ZAN: variants seen among roughly 807,000 people sequenced by gnomAD.
ZAN encodes zonadhesin (gene/pseudogene).
Under a neutral mutation model 286.2 loss-of-function variants are expected in ZAN, and 260 were observed. The observed-to-expected ratio is 0.91, with a 90% CI of 0.82 to 1.01. The LOEUF (loss-of-function observed/expected upper bound fraction) is 1.01. Ranked by LOEUF, ZAN falls within the 50% of genes least tolerant of loss-of-function variation. ZAN has a pLI of 0.00. For synonymous variants in ZAN, 1,368 were observed against 1,417.5 expected, an observed-to-expected ratio of 0.97 and a Z score of 0.79; for missense variants, 3,410 against 3,639.2, an observed-to-expected ratio of 0.94 and a Z score of 1.62.
intron 19 of ZAN, among the ~76,000 whole-genome samples, chr7:100,761,201 C>T (rs776526820): frequency 6.6e-6 from 1 of 152,118 alleles, no homozygotes; most frequent in Admixed American, 6.6e-5. Flanking sequence ...GAAAGAAAGA[C>T]TTTATAAAAA....
At chr7:100,753,852 AAAAG>A (rs1223847171) in intron 14 of ZAN, among the ~76,000 whole-genome samples, 1 of 151,464 alleles carries the variant, frequency 6.6e-6, no homozygotes, top group African/African-American at 2.4e-5. Context: ...AAAAAAAAAA[AAAAG>A]CAAAAGCAAT....
chr7:100,758,684 G>T (rs753120500), intron 17 of ZAN, 34 bp downstream of exon 17: 2 of 1,546,784 alleles, frequency 1.3e-6, no homozygotes, highest in African/African-American at 1.4e-5. Context: ...GGCCTGGGGG[G>T]AGGGTCTGTG....
intron 7 of ZAN, among the ~76,000 whole-genome samples, chr7:100,743,617 C>T (rs1678067520): frequency 6.6e-6 from 1 of 152,024 alleles, no homozygotes; most frequent in Non-Finnish European, 1.5e-5. Flanking sequence ...TAGCTCATGC[C>T]TGTAATCCCA....
In ZAN at chr7:100,738,707, C is replaced by T. The variant is rs1807481011; in HGVS notation, c.766+94C>T. On this transcript the variant is annotated intron_variant, in intron 7 of 47. Transcript: ENST00000613979. ...GACGGTCTGTCATGAACACCTACAG[C>T]TTCAAGCCTCTTACCAGCTCAAGTT... 3.2e-6 allele frequency: 4 copies of T among 1,264,156 alleles called. 1 individual carries two copies. In the Admixed American group the frequency reaches 9.7e-5, roughly 31 times the overall value. 78.3% of individuals were successfully genotyped at this position (1,264,156 alleles called of 1,614,324 possible).
Position 100,762,195 on chromosome 7 carries a change from C to A in ZAN, c.3843-20C>A, listed in dbSNP as rs1227570372. The A allele has an allele frequency of 6.2e-7, 1 of 1,611,948 alleles. No individual in the cohort carries two copies. The highest frequency in any genetic ancestry group is 8.5e-7 in the Non-Finnish European group (1 of 1,178,712). On this transcript the variant is annotated intron_variant, in intron 19 of 47. Coordinates refer to ENST00000613979, the MANE Select transcript of ZAN (RefSeq NM_003386.3). Reference sequence around the variant, plus strand: ...GGCTGCTTCTCTCCATTAACGCCAGCTCCTCTCCTGTTCCCCTAGCACATA... The same window carrying A: ...GGCTGCTTCTCTCCATTAACGCCAGATCCTCTCCTGTTCCCCTAGCACATA...
rs367562768 is a variant in ZAN, at chr7:100,758,535, C to G, written c.3456C>G (p.Gly1152=). The G allele has an allele frequency of 1.9e-6, 3 of 1,558,426 alleles. No individual in the cohort carries two copies. The African/African-American group carries it at 4.1e-5, about 21-fold the overall frequency. Residue 1152 remains glycine, a synonymous_variant, in exon 17 of 48, where the codon GGC becomes GGG. Transcript: ENST00000613979. ...NGQYGCHPYA[G]TATCLVYGDP... is the part of the protein sequence containing the mutation. ...TGTTCTCCTTCCCCCTCCCAGCAGGCACTGCCACCTGCTTGGTCTACGGAG... is the reference window on the plus strand; with the variant it reads ...TGTTCTCCTTCCCCCTCCCAGCAGGGACTGCCACCTGCTTGGTCTACGGAG...
chr7:100,773,684 A>G lies in ZAN; in HGVS notation c.5635-37A>G, dbSNP rs149965043. ...GGCGTTGGCCCATCTCCCAATTCCA[A>G]CTTTCTGTTGGCTCAGCTGATCCCT... On this transcript the variant is annotated intron_variant, in intron 30 of 47. Transcript: ENST00000613979. 80 of 1,593,596 alleles carry G rather than the reference A, an allele frequency of 5.0e-5. No homozygotes were observed. In the African/African-American group the frequency reaches 9.7e-4, roughly 19 times the overall value.
intron 7 of ZAN, among the ~76,000 whole-genome samples, chr7:100,743,877 A>T (rs956430995): frequency 4.6e-5 from 7 of 151,284 alleles, no homozygotes; most frequent in African/African-American, 9.8e-5. Flanking sequence ...ATTGTGTCTC[A>T]AAATAAATAA....
rs1324921999 is a variant in ZAN, at chr7:100,772,030, T to C, written c.5425+10T>C. 9 of 1,581,906 alleles carry C rather than the reference T, an allele frequency of 5.7e-6. No homozygotes were observed. The African/African-American group carries it at 6.7e-5, about 12-fold the overall frequency. On this transcript the variant is annotated intron_variant, in intron 29 of 47. Transcript: ENST00000613979. ...AACAGAACCTTCTGCCGTGAGTGAC[T>C]GGCCACCTGTTCCCACAGCCCATAG...
intron 35 of ZAN, among the ~76,000 whole-genome samples, chr7:100,780,375 T>G (rs1220215929): frequency 1.3e-5 from 2 of 151,934 alleles, no homozygotes; most frequent in Non-Finnish European, 2.9e-5. Flanking sequence ...TTTTAAAGTA[T>G]TAAAAGATAC....
intron 15 of ZAN, among the ~76,000 whole-genome samples, chr7:100,757,094 T>C (rs1388054967): frequency 1.3e-5 from 2 of 152,150 alleles, no homozygotes; most frequent in African/African-American, 4.8e-5. Flanking sequence ...GATTCATTTA[T>C]GCATTCAACA....
rs890066475 is a variant in ZAN, at chr7:100,792,026, A to C, written c.7590A>C (p.Gln2530His). The change falls in exon 41 of 48, where the codon CAA becomes CAC. Residue 2530 changes from glutamine to histidine, a missense_variant. By Grantham distance (24) the Gln-to-His change is conservative (BLOSUM62 0). Around this residue, in one of 7 missense-constraint regions of ZAN, gnomAD observed 1,289 missense variants for 1,314.3 expected, o/e 0.98. Transcript: ENST00000613979. ...AGCTGGGCCTCCGCACGGGCCTCCA[A>C]GTGTCCGAATGTAGCCCGGAGCAGC... ...GAELGLRTGLQVSECSPEQLA... is the reference protein window; with the variant it reads ...GAELGLRTGLHVSECSPEQLA... The C allele has an allele frequency of 3.1e-6, 5 of 1,613,246 alleles. No homozygotes were observed. Among genetic ancestry groups the C allele is most frequent in the African/African-American group, 1.3e-5 (1 of 74,930 alleles).
rs1562953258 is a variant in ZAN at position 100,784,789 on chromosome 7, C to T, written c.6789C>T (p.Pro2263=). 6.2e-7 allele frequency: 1 copy of T among 1,611,330 alleles called. No individual in the cohort carries two copies. The highest frequency in any genetic ancestry group is 1.7e-5 in the Admixed American group (1 of 59,816). ...TGCTGAGTGAAGACAAGTGTGTCCC[C>T]AGAAGTCAGTGTGGCTGCAAGGATG... ...GYVLSEDKCV[P]RSQCGCKDAH... is the part of the protein sequence containing the mutation. Residue 2263 remains proline, a synonymous_variant, in exon 36 of 48, where the codon CCC becomes CCT. Coordinates refer to ENST00000613979, the MANE Select transcript of ZAN (RefSeq NM_003386.3).
chr7:100,765,950 C>T (rs1809937853), intron 23 of ZAN, among the ~76,000 whole-genome samples: 1 of 151,288 alleles, frequency 6.6e-6, no homozygotes, highest in African/African-American at 2.4e-5. Context: ...AGCCACCATG[C>T]CTGGCCCTTG....
chr7:100,785,494 G>A (rs1429944361), intron 36 of ZAN, among the ~76,000 whole-genome samples: 1 of 151,976 alleles, frequency 6.6e-6, no homozygotes, highest in Non-Finnish European at 1.5e-5. Flanking sequence ...GCCTCCCAAA[G>A]TACTAAGATT....
intron 11 of ZAN, among the ~76,000 whole-genome samples, chr7:100,749,826 G>A (rs62483592): frequency 0.2 from 30,679 of 150,440 alleles, 3,435 homozygotes; most frequent in East Asian, 0.29. Context: ...TGAGACGGGT[G>A]GATCACTTGA....
At position 100,748,260 on chromosome 7, in the gene ZAN, T is replaced by A. The variant is rs751823296; in HGVS notation, c.1102+45T>A. On this transcript the variant is annotated intron_variant, in intron 10 of 47. Transcript: ENST00000613979. Reference sequence around the variant, plus strand: ...GGCCCGGATCTCTCAGAATCCGGGGTGGGCTGGGGGAGGGCTGGAGAGCGT... The same window carrying A: ...GGCCCGGATCTCTCAGAATCCGGGGAGGGCTGGGGGAGGGCTGGAGAGCGT... The A allele has an allele frequency of 5.6e-6, 9 of 1,613,024 alleles. No homozygotes were observed. In the South Asian group the frequency reaches 7.7e-5, roughly 14 times the overall value.
At chr7:100,753,406 C>G (rs762297998) in intron 14 of ZAN, among the ~76,000 whole-genome samples, 177 bp downstream of exon 14, 1 of 152,126 alleles carries the variant, frequency 6.6e-6, no homozygotes, top group Non-Finnish European at 1.5e-5. Context: ...GGAGGACTGC[C>G]CAGAGCGAGA....
In ZAN at chr7:100,763,836, G is replaced by A. The variant is rs372066921; in HGVS notation, c.4017G>A (p.Pro1339=). The stretch of plus-strand genomic sequence containing the variant: ...AGAAGTACCAGGTGGTGAATTCCCC[G>A]TCTTGTGATTCATCTCTGCAGAGCA... ...ECQKYQVVNS[P]SCDSSLQSSM... Residue 1339 remains proline, a synonymous_variant, in exon 21 of 48, where the codon CCG becomes CCA. Transcript: ENST00000613979. This position sits in a 1 kb window ranked among gnomAD's most constrained non-coding sequence, Gnocchi z 4.6. The A allele has an allele frequency of 2.5e-4, 403 of 1,614,026 alleles. 1 individual carries two copies. The highest frequency in any genetic ancestry group is 4.9e-4 in the Middle Eastern group (3 of 6,062).
Sources: allele counts gnomAD v4.1 joint callset (sites outside exome capture counted in the v4.1 genomes callset), GRCh38; gene constraint gnomAD v4.1.1; regional missense constraint gnomAD v4.1.1; non-coding constraint Gnocchi (gnomAD v3.1); transcripts MANE v1.5; gene names NCBI Gene and HGNC (gene_info 2026-07-23, HGNC 2026-07-21).